Variants in MYO7A observed in about 807,000 individuals in gnomAD.
The protein encoded by MYO7A is unconventional myosin-VIIa.
MYO7A carries 210 observed loss-of-function variants against 263.8 expected under a neutral mutation model. The observed-to-expected ratio is 0.80, with a 90% CI of 0.71 to 0.89. MYO7A has a LOEUF of 0.89. Ranked by LOEUF, MYO7A falls within the 40% of genes least tolerant of loss-of-function variation. MYO7A has a pLI of 0.00. For synonymous variants in MYO7A, 1,239 were observed against 1,197.3 expected, an observed-to-expected ratio of 1.03 and a Z score of -0.72; for missense variants, 2,820 against 2,968.3, an observed-to-expected ratio of 0.95 and a Z score of 1.16.
At position 77,128,368 on chromosome 11, in the gene MYO7A, G is replaced by A. The variant is rs930202135; in HGVS notation, c.-168G>A. 13 of 152,570 alleles carry A rather than the reference G, an allele frequency of 8.5e-5. No homozygotes were observed. The highest frequency in any genetic ancestry group is 1.8e-4 in the Non-Finnish European group (12 of 68,262). The allele number at this position is 152,570 out of a possible 1,614,324, so 9.5% of individuals were successfully genotyped here. A position where few individuals can be genotyped will look rare whatever the true frequency, so the allele number is the denominator to read the frequency against. ...CTAGAACGAGACTTGGAGCCAGACA[G>A]AGGAAGAGGGGACGTGTGTTTGCAG... On this transcript the variant is annotated 5_prime_UTR_variant, in exon 1 of 49. Transcript: ENST00000409709.
intron 27 of MYO7A, among the ~76,000 whole-genome samples, chr11:77,185,690 C>G (rs1281270495): frequency 1.3e-5 from 2 of 152,212 alleles, no homozygotes; most frequent in African/African-American, 4.8e-5. Flanking sequence ...TGACCTCCTT[C>G]TACGAATCAT....
rs1591371163 is a variant in MYO7A, at chr11:77,179,652, G to T, written c.2368-83G>T. Reference sequence around the variant, plus strand: ...TGGGGGTGCCTGTCTGAGAGTGGAGGCCGGTGCCATGGAAGCTCCTGCAGG... The same window carrying T: ...TGGGGGTGCCTGTCTGAGAGTGGAGTCCGGTGCCATGGAAGCTCCTGCAGG... On this transcript the variant is annotated intron_variant, in intron 20 of 48. Coordinates refer to ENST00000409709, the MANE Select transcript of MYO7A (RefSeq NM_000260.4). 5 of 1,287,850 alleles carry T rather than the reference G, an allele frequency of 3.9e-6. No individual in the cohort carries two copies. The East Asian group carries it at 1.3e-4, about 33-fold the overall frequency. 79.8% of individuals were successfully genotyped at this position (1,287,850 alleles called of 1,614,324 possible).
At chr11:77,150,738 C>T (rs1044189484) in intron 4 of MYO7A, among the ~76,000 whole-genome samples, 2 of 152,110 alleles carry the variant, frequency 1.3e-5, no homozygotes, top group Admixed American at 6.5e-5. Flanking sequence ...TCCAATAGTC[C>T]GCTGACCTTA....
At chr11:77,146,735 C>T (rs1187194902) in intron 3 of MYO7A, among the ~76,000 whole-genome samples, 1 of 151,984 alleles carries the variant, frequency 6.6e-6, no homozygotes, top group Non-Finnish European at 1.5e-5. Flanking sequence ...GGTCCCCTTT[C>T]CCCCCAGAAG....
At chr11:77,163,525 A>G (rs991524113) in intron 14 of MYO7A, among the ~76,000 whole-genome samples, 2 of 152,308 alleles carry the variant, frequency 1.3e-5, no homozygotes, top group Admixed American at 6.5e-5. Context: ...ATGTTCTTGT[A>G]CTAAATACTG....
intron 34 of MYO7A, among the ~76,000 whole-genome samples, chr11:77,199,125 T>C (rs1956888006): frequency 6.6e-6 from 1 of 152,146 alleles, no homozygotes; most frequent in Admixed American, 6.5e-5. Flanking sequence ...CTTGTAGCAG[T>C]GTCTTTGGGT....
At position 77,181,594 on chromosome 11, in the gene MYO7A, C is replaced by A; in HGVS notation, c.2904+5C>A. On this transcript the variant is annotated splice_donor_5th_base_variant and intron_variant, in intron 23 of 48. Transcript: ENST00000409709. ...CAGGCACCTAGTGGCTTTGAGGTAC[C>A]AGGCTAGGGACAGGGGCTCCAGAGG... The A allele has an allele frequency of 1.2e-6, 2 of 1,612,482 alleles. No homozygotes were observed. Among genetic ancestry groups the A allele is most frequent in the African/African-American group, 2.7e-5 (2 of 75,002 alleles).
At chr11:77,199,394 C>A in intron 34 of MYO7A, 141 bp from the exon 35 acceptor site, 1 of 824,416 alleles carries the variant, frequency 1.2e-6, no homozygotes, top group Non-Finnish European at 1.7e-6. Context: ...GAGAAGTAGG[C>A]CGGGCCACTG....
intron 41 of MYO7A, chr11:77,207,025 C>A: frequency 2.7e-6 from 1 of 370,356 alleles, no homozygotes; most frequent in Non-Finnish European, 4.9e-6. Context: ...GGACCCCTCA[C>A]TGTCACTCAG....
chr11:77,180,003 G>T, intron 21 of MYO7A, 50 bp downstream of exon 21: 1 of 1,479,242 alleles, frequency 6.8e-7, no homozygotes, highest in Non-Finnish European at 9.0e-7. Flanking sequence ...TGGGCGAGGA[G>T]TGTCCATGCA....
rs397516315 is a variant in MYO7A at position 77,199,787 on chromosome 11, T to A, written c.4821T>A (p.Tyr1607Ter). ...AGGGGCTCCGGAAGAGATCTAAGTA[T>A]GTTGTGGCCCTGCAGGATAACCCCA... Reference protein sequence around the residue: ...FLEGLRKRSKYVVALQDNPNP... With the variant: ...FLEGLRKRSK The change falls in exon 35 of 49, where the codon TAT becomes TAA. Residue 1607 changes from tyrosine (Y) to a stop codon, truncating the protein, a stop_gained. Coordinates refer to ENST00000409709, the MANE Select transcript of MYO7A (RefSeq NM_000260.4). LOFTEE classifies it high-confidence loss of function. 1 of 1,605,338 alleles carries A rather than the reference T, an allele frequency of 6.2e-7. No homozygotes were observed. The highest frequency in any genetic ancestry group is 1.3e-5 in the African/African-American group (1 of 74,944).
intron 44 of MYO7A, among the ~76,000 whole-genome samples, chr11:77,209,878 C>A (rs377447106): frequency 5.9e-4 from 90 of 152,096 alleles, no homozygotes; most frequent in African/African-American, 2.1e-3. Flanking sequence ...CTGGCCGTGG[C>A]CCTGCCTGGT....
chr11:77,207,619 G>C (rs962246467), intron 42 of MYO7A, among the ~76,000 whole-genome samples: 1 of 152,146 alleles, frequency 6.6e-6, no homozygotes, highest in Admixed American at 6.5e-5. Context: ...CCCTCTTAGG[G>C]GCATGTGCCC....
At chr11:77,187,724 G>A (rs1387198892) in intron 27 of MYO7A, among the ~76,000 whole-genome samples, 1 of 152,212 alleles carries the variant, frequency 6.6e-6, no homozygotes, top group Non-Finnish European at 1.5e-5. Flanking sequence ...ACTTTTCTGA[G>A]AACAGTCTCT....
At chr11:77,200,971 A>C (rs534527191) in intron 35 of MYO7A, among the ~76,000 whole-genome samples, 32 of 152,336 alleles carry the variant, frequency 2.1e-4, no homozygotes, top group African/African-American at 6.7e-4. Context: ...CAGGCCTGTG[A>C]CAGTGCAGTG....
intron 4 of MYO7A, among the ~76,000 whole-genome samples, chr11:77,153,030 G>A (rs1011978608): frequency 2.0e-5 from 3 of 152,150 alleles, no homozygotes; most frequent in African/African-American, 7.2e-5. Flanking sequence ...GAGAGGATTT[G>A]GACTTTGTCC....
chr11:77,159,818 G>C (rs1458371898), intron 10 of MYO7A, among the ~76,000 whole-genome samples: 1 of 152,196 alleles, frequency 6.6e-6, no homozygotes, highest in South Asian at 2.1e-4. Context: ...AAAGGGCACT[G>C]GTGTCCCTGG....
intron 23 of MYO7A, 133 bp downstream of exon 23, chr11:77,181,722 G>A (rs953068047): frequency 5.9e-5 from 54 of 912,128 alleles, no homozygotes; most frequent in Admixed American, 3.8e-4. Flanking sequence ...AACTGGGTCC[G>A]GGCTGCAGGT....
Position 77,162,157 on chromosome 11 carries a change from C to A in MYO7A, c.1381C>A (p.Leu461Met). 6.2e-7 allele frequency: 1 copy of A among 1,604,252 alleles called. No individual in the cohort carries two copies. The highest frequency in any genetic ancestry group is 8.5e-7 in the Non-Finnish European group (1 of 1,175,528). ...CTGCATCAACTTCGCCAATGAGCAC[C>A]TGCAGCAGTTCTTTGTGCGGCACGT... ...QLCINFANEH[L>M]QQFFVRHVFK... Residue 461 changes from leucine to methionine, a missense_variant, in exon 13 of 49, where the codon CTG (leucine) becomes ATG (methionine). By Grantham distance (15) the Leu-to-Met change is conservative (BLOSUM62 2). Transcript: ENST00000409709.
Sources: gnomAD v4.1 joint callset for allele counts (sites outside exome capture counted in the v4.1 genomes callset) on GRCh38, gnomAD v4.1.1 for gene constraint, MANE v1.5 for transcripts, NCBI Gene and HGNC (gene_info 2026-07-23, HGNC 2026-07-21) for gene names.